The following ERAP1 variants were observed in gnomAD, a reference collection of about 807,000 sequenced individuals.
ERAP1 encodes the protein adipocyte-derived leucine aminopeptidase.
In ERAP1, 86 loss-of-function variants were observed where a neutral mutation model predicts 103.7. The ratio of observed to expected loss-of-function variants is 0.83; its 90% CI spans 0.70 to 0.99. ERAP1 has a LOEUF of 0.99. Among genes scored for constraint, ERAP1 ranks in the 50% least tolerant of loss-of-function variants. The pLI, the probability that ERAP1 is intolerant of heterozygous loss-of-function variation, is 0.00. For missense variants in ERAP1, 1,009 were observed against 1,128.4 expected, an observed-to-expected ratio of 0.89 and a Z score of 1.52; for synonymous variants, 398 against 402.4, an observed-to-expected ratio of 0.99 and a Z score of 0.13.
the ERAP1 span, chr5:96,935,668 A>G: frequency 3.9e-5 from 6 of 155,796 alleles, no homozygotes; most frequent in Non-Finnish European, 8.6e-5. Flanking sequence ...CTGACTTTAC[A>G]CTCGTGTGTC....
the ERAP1 span, among the ~76,000 whole-genome samples, chr5:96,815,364 C>T: frequency 6.6e-6 from 1 of 151,724 alleles, no homozygotes; most frequent in African/African-American, 2.4e-5. Context: ...AAATAAAACA[C>T]CCAAACTATT....
intron 1 of ERAP1, among the ~76,000 whole-genome samples, chr5:96,805,357 TA>T (rs57338770): frequency 0.27 from 36,893 of 138,682 alleles, 5,240 homozygotes; most frequent in African/African-American, 0.41. Context: ...TTTTTTTTTT[TA>T]AAAAAAAAAA....
the ERAP1 span, chr5:96,892,536 A>G: frequency 6.6e-3 from 10,053 of 1,515,244 alleles, 501 homozygotes; most frequent in African/African-American, 0.12. Context: ...GAAACAAAAT[A>G]AATCATCTCA....
Position 96,807,927 on chromosome 5 carries a change from C to A in ERAP1, c.-85G>T. 1.0e-6 allele frequency: 1 copy of A among 986,096 alleles called. No homozygotes were observed. The highest frequency in any genetic ancestry group is 1.2e-6 in the Non-Finnish European group (1 of 830,452). 61.1% of individuals were successfully genotyped at this position (986,096 alleles called of 1,614,324 possible). A position where few individuals can be genotyped will look rare whatever the true frequency, so the allele number is the denominator to read the frequency against. On this transcript the variant is annotated 5_prime_UTR_variant, in exon 1 of 19. Coordinates refer to ENST00000443439, the MANE Select transcript of ERAP1 (RefSeq NM_001040458.3). ...ACCACTGCCGCCGGCCTAGCTCCCC[C>A]AGGACCGAAAGTGAAAGTGGAGCCC...
At position 96,774,840 on chromosome 5, in the gene ERAP1, T is replaced by TAATA. The variant is rs1158707828; in HGVS notation, c.*1552_*1555dup. The TAATA allele has an allele frequency of 3.0e-6, 3 of 985,370 alleles. No homozygotes were observed. The African/African-American group carries it at 5.2e-5, about 17-fold the overall frequency. 61.0% of individuals were successfully genotyped at this position (985,370 alleles called of 1,614,324 possible). ...TATTTATTTGTTGTAGTGAATGGTT[T>TAATA]AATAAATGGCAGATTTATGTCCAGA... On this transcript the variant is annotated 3_prime_UTR_variant, in exon 19 of 19. Coordinates refer to ENST00000443439, the MANE Select transcript of ERAP1 (RefSeq NM_001040458.3).
At chr5:96,783,815 AG>A (rs1775583124) in intron 14 of ERAP1, 108 bp downstream of exon 14, 1 of 914,624 alleles carries the variant, frequency 1.1e-6, no homozygotes, top group Middle Eastern at 3.3e-4. Flanking sequence ...ATGTATATAA[AG>A]ATACACACAC....
chr5:96,932,224 C>T, the ERAP1 span, among the ~76,000 whole-genome samples: 1 of 152,188 alleles, frequency 6.6e-6, no homozygotes, highest in African/African-American at 2.4e-5. Context: ...TTAGGGTGGC[C>T]GGAAACCTCA....
chr5:96,900,501 A>C, the ERAP1 span, among the ~76,000 whole-genome samples: 2 of 152,146 alleles, frequency 1.3e-5, no homozygotes. Flanking sequence ...GAAAAATGCC[A>C]AAATAAGTAT....
At chr5:96,805,975 G>C (rs934089324) in intron 1 of ERAP1, 1 of 152,392 alleles carries the variant, frequency 6.6e-6, no homozygotes, top group Non-Finnish European at 1.5e-5. Context: ...GCTTTGCAGG[G>C]TTGGGTCCAT....
At chr5:96,789,826 G>T (rs1466034460) in intron 10 of ERAP1, among the ~76,000 whole-genome samples, 1 of 152,200 alleles carries the variant, frequency 6.6e-6, no homozygotes, top group Admixed American at 6.5e-5. Flanking sequence ...TTTAAAAATA[G>T]GGATAGTAAT....
chr5:96,782,769 G>C (rs1775399809), intron 15 of ERAP1, among the ~76,000 whole-genome samples: 1 of 152,186 alleles, frequency 6.6e-6, no homozygotes, highest in Non-Finnish European at 1.5e-5. Context: ...TGGCATGGCT[G>C]TCACCGTTTA....
chr5:96,891,205 A>C, the ERAP1 span, among the ~76,000 whole-genome samples: 2 of 152,104 alleles, frequency 1.3e-5, no homozygotes, highest in Admixed American at 6.5e-5. Context: ...AACTTTTAAA[A>C]AATTATCTTT....
At chr5:96,926,893 T>C in the ERAP1 span, among the ~76,000 whole-genome samples, 1 of 152,226 alleles carries the variant, frequency 6.6e-6, no homozygotes, top group Non-Finnish European at 1.5e-5. Context: ...CTCAGCTCGC[T>C]GCAGCCTCGA....
At chr5:96,771,717 T>C (rs1561638037), downstream of ERAP1, 1 of 1,537,960 alleles carries the variant, frequency 6.5e-7, no homozygotes, top group Non-Finnish European at 9.0e-7. Context: ...GTTGGGTGTT[T>C]ATTTGTAAAT....
At position 96,774,563 on chromosome 5, in the gene ERAP1, G is replaced by C. The variant is rs568711440; in HGVS notation, c.*1833C>G. On this transcript the variant is annotated 3_prime_UTR_variant, in exon 19 of 19. Coordinates refer to ENST00000443439, the MANE Select transcript of ERAP1 (RefSeq NM_001040458.3). ...GCAATATTGTATCTGTTTAGAAAATGGGCTTTTCCAAAAGCAAACAAAGAT... is the reference window on the plus strand; with the variant it reads ...GCAATATTGTATCTGTTTAGAAAATCGGCTTTTCCAAAAGCAAACAAAGAT... 466 of 985,432 alleles carry C rather than the reference G, an allele frequency of 4.7e-4. 1 individual carries two copies. Among genetic ancestry groups the C allele is most frequent in the South Asian group, 9.4e-4 (20 of 21,280 alleles). 61.0% of individuals were successfully genotyped at this position (985,432 alleles called of 1,614,324 possible). A position where few individuals can be genotyped will look rare whatever the true frequency, so the allele number is the denominator to read the frequency against.
the ERAP1 span, among the ~76,000 whole-genome samples, chr5:96,870,800 C>A: frequency 6.6e-6 from 1 of 152,124 alleles, no homozygotes; most frequent in African/African-American, 2.4e-5. Flanking sequence ...TTAGGCAGGA[C>A]CAGAGCAGAG....
chr5:96,833,279 C>G, the ERAP1 span, among the ~76,000 whole-genome samples: 1 of 152,208 alleles, frequency 6.6e-6, no homozygotes, highest in African/African-American at 2.4e-5. Context: ...AGCTGCAAAT[C>G]TCTTTGTGTT....
the ERAP1 span, among the ~76,000 whole-genome samples, chr5:96,898,722 A>G: frequency 6.6e-6 from 1 of 152,124 alleles, no homozygotes; most frequent in Non-Finnish European, 1.5e-5. Context: ...CTGGTGACAG[A>G]GTGAGACTCT....
At chr5:96,909,112 C>T in the ERAP1 span, 2 of 1,613,770 alleles carry the variant, frequency 1.2e-6, no homozygotes, top group Non-Finnish European at 1.7e-6. Context: ...CTCTGAAAAC[C>T]TCAAGGTTTG....
Sources: gnomAD v4.1 joint callset for allele counts (sites outside exome capture counted in the v4.1 genomes callset) on GRCh38, gnomAD v4.1.1 for gene constraint, MANE v1.5 for transcripts, NCBI Gene and HGNC (gene_info 2026-07-23, HGNC 2026-07-21) for gene names.